The following SRGAP2B variants were observed in gnomAD, a reference collection of about 807,000 sequenced individuals.
The protein encoded by SRGAP2B is SLIT-ROBO Rho GTPase activating protein 2B.
In SRGAP2B, 9 loss-of-function variants were observed where a neutral mutation model predicts 22.2. The ratio of observed to expected loss-of-function variants is 0.41; its 90% CI spans 0.24 to 0.71. The LOEUF is 0.71. SRGAP2B is among the 30% of genes least tolerant of loss of function. The probability of loss-of-function intolerance (pLI) is 0.35; values close to 1 mark genes in which losing one functional copy is unlikely to be tolerated. For missense variants in SRGAP2B, 114 were observed against 235.8 expected (o/e 0.48, Z 3.38); for synonymous variants, 36 against 87.4 (o/e 0.41, Z 3.28).
chr1:145,045,252 T>G (rs782300325), intron 2 of SRGAP2B, among the ~76,000 whole-genome samples: 5 of 107,160 alleles, frequency 4.7e-5, no homozygotes, highest in Non-Finnish European at 9.0e-5. Context: ...AGCCGAGATC[T>G]AGCCACTGCA....
intron 2 of SRGAP2B, among the ~76,000 whole-genome samples, chr1:145,068,919 G>C (rs1416338747): frequency 6.9e-6 from 1 of 144,338 alleles, no homozygotes; most frequent in African/African-American, 2.7e-5. Flanking sequence ...GTGTGTGTGT[G>C]TGTGTGTGTG....
At chr1:144,968,639 C>T (rs879978979) in intron 3 of SRGAP2B, among the ~76,000 whole-genome samples, 1,198 of 119,322 alleles carry the variant, frequency 0.01, 29 homozygotes, top group African/African-American at 0.039. Context: ...GAAGTTCTGG[C>T]CAGAGCAATC....
chr1:144,911,397 C>G (rs1465592492), intron 5 of SRGAP2B, among the ~76,000 whole-genome samples: 2 of 150,228 alleles, frequency 1.3e-5, no homozygotes, highest in Non-Finnish European at 1.5e-5. Context: ...ACAGGCCCAG[C>G]TTCCCACCTG....
chr1:145,072,702 CCT>C lies in SRGAP2B; in HGVS notation c.67+20131_67+20132del, dbSNP rs587687115. Among the ~76,000 whole-genome samples, 615 of 147,152 alleles carry C rather than the reference CCT, an allele frequency of 4.2e-3. 18 individuals are homozygous for C. The highest frequency in any genetic ancestry group is 7.0e-3 in the Non-Finnish European group (472 of 67,060). ...CCTATAAATGGCTTTAGCCTGATCC[CCT>C]CTTTCAACATATCCTACAATCAAAA... On this transcript the variant is annotated intron_variant, in intron 2 of 9. Transcript: ENST00000612199.
intron 2 of SRGAP2B, among the ~76,000 whole-genome samples, chr1:145,025,004 AAC>A (rs1202923305): frequency 1.4e-5 from 2 of 147,284 alleles, no homozygotes; most frequent in Non-Finnish European, 3.0e-5. Flanking sequence ...CTCATCTCTC[AAC>A]ACAGTGACCA....
At chr1:144,965,090 T>C in intron 3 of SRGAP2B, 1 of 1,277,604 alleles carries the variant, frequency 7.8e-7, no homozygotes, top group African/African-American at 1.5e-5. Flanking sequence ...CTGAGGATAG[T>C]TTAGAAGGAT....
intron 4 of SRGAP2B, among the ~76,000 whole-genome samples, chr1:144,925,792 A>AAAGAAAGAAAGAAAGG (rs1570756737): frequency 3.4e-5 from 3 of 88,930 alleles, no homozygotes; most frequent in South Asian, 3.2e-4. Context: ...AGAAAGAAAG[A>AAAGAAAGAAAGAAAGG]AAGGAGAGAG....
intron 4 of SRGAP2B, 38 bp from the exon 5 acceptor site, chr1:144,914,792 G>A (rs1179093856): frequency 1.5e-6 from 1 of 678,996 alleles, no homozygotes; most frequent in South Asian, 1.7e-5. Context: ...TTGGGAAACA[G>A]AAGAGAGAGG....
In SRGAP2B at chr1:144,957,261, T is replaced by A. The variant is rs1403324842; in HGVS notation, c.261-1660A>T. On this transcript the variant is annotated intron_variant, in intron 3 of 9. Transcript: ENST00000612199. ...TTCAGCACTAAAGACCAGGCACTTG[T>A]GATTTGTAAACCATGAAGTTCAACT... Among the ~76,000 whole-genome samples, 12 of 150,742 alleles carry A rather than the reference T, an allele frequency of 8.0e-5. 1 individual carries two copies. The highest frequency in any genetic ancestry group is 4.6e-4 in the Admixed American group (7 of 15,168).
chr1:145,094,831 GC>G, intron 1 of SRGAP2B: 2 of 774,126 alleles, frequency 2.6e-6, no homozygotes, highest in Non-Finnish European at 3.9e-6. Context: ...CGGGCTGTCC[GC>G]CAGGGCTGGG....
chr1:144,993,044 G>A (rs1391861848), intron 3 of SRGAP2B, among the ~76,000 whole-genome samples: 1 of 151,410 alleles, frequency 6.6e-6, no homozygotes, highest in Non-Finnish European at 1.5e-5. Context: ...CCTGAGATGG[G>A]TCTTAAGACA....
At chr1:145,061,490 T>C (rs1317741781) in intron 2 of SRGAP2B, among the ~76,000 whole-genome samples, 1 of 138,506 alleles carries the variant, frequency 7.2e-6, no homozygotes, top group Non-Finnish European at 1.6e-5. Context: ...AAGTGTATAA[T>C]TTATGAAAGA....
chr1:144,970,231 AG>A lies in SRGAP2B; in HGVS notation c.261-14631del, dbSNP rs1208954917. Among the ~76,000 whole-genome samples the A allele has an allele frequency of 4.6e-5, 6 of 130,084 alleles. No homozygotes were observed. The South Asian group carries it at 1.3e-3, about 29-fold the overall frequency. The allele number at this position is 130,084 out of a possible 152,430, so 85.3% of individuals were successfully genotyped here. A position where few individuals can be genotyped will look rare whatever the true frequency, so the allele number is the denominator to read the frequency against. Reference sequence around the variant, plus strand: ...ATTGCGGCATTATTCACAATAGCAAAGACTTGGAACCAACCCAAATGTCCAA... The same window carrying A: ...ATTGCGGCATTATTCACAATAGCAAAACTTGGAACCAACCCAAATGTCCAA... On this transcript the variant is annotated intron_variant, in intron 3 of 9. Transcript: ENST00000612199.
chr1:144,965,279 G>A lies in SRGAP2B; in HGVS notation c.261-9678C>T, dbSNP rs1195162827. 22 of 441,186 alleles carry A rather than the reference G, an allele frequency of 5.0e-5. 1 individual carries two copies. The East Asian group carries it at 5.8e-4, about 12-fold the overall frequency. The allele number at this position is 441,186 out of a possible 1,614,324, so 27.3% of individuals were successfully genotyped here. A position where few individuals can be genotyped will look rare whatever the true frequency, so the allele number is the denominator to read the frequency against. On this transcript the variant is annotated intron_variant, in intron 3 of 9. Coordinates refer to ENST00000612199, the Ensembl canonical transcript of SRGAP2B. Reference sequence around the variant, plus strand: ...AAGAGAGCAGTGGTTCTCCCAGCACGCAGCTGGAGATCTGAGAACGGGCAG... The same window carrying A: ...AAGAGAGCAGTGGTTCTCCCAGCACACAGCTGGAGATCTGAGAACGGGCAG...
rs868972781 is a variant in SRGAP2B at position 145,011,494 on chromosome 1, C to G, written c.68-16294G>C. On this transcript the variant is annotated intron_variant, in intron 2 of 9. Coordinates refer to ENST00000612199, the Ensembl canonical transcript of SRGAP2B. ...TCCCTCATAGCCATCTAACAGGTAC[C>G]TAGAACTTAACATGCCTGAACCTGA... Among the ~76,000 whole-genome samples the G allele has an allele frequency of 2.7e-5, 4 of 150,840 alleles. No homozygotes were observed. The South Asian group carries it at 8.3e-4, about 31-fold the overall frequency.
intron 2 of SRGAP2B, among the ~76,000 whole-genome samples, chr1:145,008,917 A>G (rs1553621634): frequency 6.6e-6 from 1 of 150,484 alleles, no homozygotes; most frequent in Non-Finnish European, 1.5e-5. Context: ...CACGCCTATA[A>G]TCCCAGGACT....
rs782116324 is a variant in SRGAP2B at position 144,970,645 on chromosome 1, T to TAAA, written c.261-15047_261-15045dup. On this transcript the variant is annotated intron_variant, in intron 3 of 9. Coordinates refer to ENST00000612199, the Ensembl canonical transcript of SRGAP2B. The stretch of plus-strand genomic sequence containing the variant: ...ACATGTACCCTAAAACTTAAAGTAT[T>TAAA]AAAAAAAAAAAAAAGCATGATTCAG... Among the ~76,000 whole-genome samples, 444 of 128,458 alleles carry TAAA rather than the reference T, an allele frequency of 3.5e-3. 18 individuals are homozygous for TAAA. Among genetic ancestry groups the TAAA allele is most frequent in the African/African-American group, 0.012 (400 of 32,682 alleles). 84.3% of individuals were successfully genotyped at this position (128,458 alleles called of 152,430 possible).
At chr1:145,089,062 TG>T (rs1653721492) in intron 2 of SRGAP2B, among the ~76,000 whole-genome samples, 1 of 151,486 alleles carries the variant, frequency 6.6e-6, no homozygotes, top group South Asian at 2.1e-4. Flanking sequence ...CAGAAGGATG[TG>T]TGTACATAGG....
At chr1:145,084,797 GAAGA>G (rs1264948024) in intron 2 of SRGAP2B, among the ~76,000 whole-genome samples, 1 of 150,616 alleles carries the variant, frequency 6.6e-6, no homozygotes, top group Non-Finnish European at 1.5e-5. Flanking sequence ...TCAATCATTA[GAAGA>G]AAGAAGCCAT....
Sources: gnomAD v4.1 joint callset for allele counts (sites outside exome capture counted in the v4.1 genomes callset) on GRCh38, gnomAD v4.1.1 for gene constraint, MANE v1.5 for transcripts, NCBI Gene and HGNC (gene_info 2026-07-23, HGNC 2026-07-21) for gene names.